UGCG: variants seen among roughly 807,000 people sequenced by gnomAD.
UGCG encodes ceramide glucosyltransferase.
Under a neutral mutation model 49.5 loss-of-function variants are expected in UGCG, and 10 were observed. The observed-to-expected ratio is 0.20, with a 90% CI of 0.12 to 0.34. The LOEUF is 0.34. UGCG is among the 10% of genes least tolerant of loss of function. The probability of loss-of-function intolerance (pLI) is 1.00; values close to 1 mark genes in which losing one functional copy is unlikely to be tolerated. For missense variants in UGCG, 312 were observed against 483.7 expected, an observed-to-expected ratio of 0.65 and a Z score of 3.33; for synonymous variants, 182 against 158.2, an observed-to-expected ratio of 1.15 and a Z score of -1.13.
intron 1 of UGCG, among the ~76,000 whole-genome samples, chr9:111,907,120 G>A (rs1049128527): frequency 1.3e-5 from 2 of 152,162 alleles, no homozygotes; most frequent in Non-Finnish European, 2.9e-5. Context: ...CAATGCTGCT[G>A]GTCCATGGGC....
chr9:111,900,802 T>C (rs1284207300), intron 1 of UGCG, among the ~76,000 whole-genome samples: 1 of 151,948 alleles, frequency 6.6e-6, no homozygotes, highest in Non-Finnish European at 1.5e-5. Context: ...CCCCTGGAGA[T>C]TTTTTAAGTT....
At chr9:111,910,019 A>T (rs1326030490) in intron 1 of UGCG, among the ~76,000 whole-genome samples, 2 of 152,196 alleles carry the variant, frequency 1.3e-5, no homozygotes, top group African/African-American at 4.8e-5. Context: ...TTATCCATAA[A>T]CCTAGAGAGG....
At chr9:111,909,386 C>G (rs1002112603) in intron 1 of UGCG, among the ~76,000 whole-genome samples, 6 of 152,234 alleles carry the variant, frequency 3.9e-5, no homozygotes, top group Non-Finnish European at 7.3e-5. Flanking sequence ...CAAACTCTTT[C>G]ATGATTTCTG....
intron 5 of UGCG, among the ~76,000 whole-genome samples, chr9:111,928,809 A>C (rs190520434): frequency 1.8e-3 from 275 of 152,324 alleles, no homozygotes; most frequent in African/African-American, 6.4e-3. Flanking sequence ...ATGTCTACTA[A>C]GTAGGGTAAT....
chr9:111,925,557 T>A (rs546623240), intron 4 of UGCG, among the ~76,000 whole-genome samples: 1 of 152,236 alleles, frequency 6.6e-6, no homozygotes, highest in Non-Finnish European at 1.5e-5. Flanking sequence ...AGCAAAAATA[T>A]CTTCAGATGT....
chr9:111,930,524 G>A (rs1303417117), intron 6 of UGCG, among the ~76,000 whole-genome samples: 2 of 149,092 alleles, frequency 1.3e-5, no homozygotes, highest in Admixed American at 6.7e-5. Flanking sequence ...CTGGAGTGCA[G>A]TGGCGCAATC....
chr9:111,909,132 C>T (rs1293671246), intron 1 of UGCG, among the ~76,000 whole-genome samples: 1 of 152,168 alleles, frequency 6.6e-6, no homozygotes, highest in African/African-American at 2.4e-5. Context: ...GTTGGCCAGG[C>T]TGGTCTTGAA....
chr9:111,918,621 G>T (rs912828551), intron 2 of UGCG, among the ~76,000 whole-genome samples: 1 of 152,084 alleles, frequency 6.6e-6, no homozygotes, highest in East Asian at 1.9e-4. Context: ...TTATGTTTAA[G>T]CAGTGTAATC....
intron 7 of UGCG, 30 bp downstream of exon 7, chr9:111,931,387 G>T (rs2274942): frequency 1.3e-6 from 2 of 1,599,118 alleles, no homozygotes; most frequent in East Asian, 2.2e-5. Context: ...TTTATACTTC[G>T]TTAAAAGGAA....
intron 2 of UGCG, chr9:111,915,686 CAGAA>C (rs1304157568): frequency 2.8e-6 from 2 of 713,176 alleles, no homozygotes; most frequent in Non-Finnish European, 3.4e-6. Context: ...CTCAAATAAT[CAGAA>C]GGAAGATGAT....
chr9:111,903,004 C>T (rs906940929), intron 1 of UGCG, among the ~76,000 whole-genome samples: 3 of 152,098 alleles, frequency 2.0e-5, no homozygotes, highest in Non-Finnish European at 2.9e-5. Flanking sequence ...TCTTGAACTC[C>T]TGGCCTCAAG....
chr9:111,928,457 CT>C (rs1838364276), intron 5 of UGCG, among the ~76,000 whole-genome samples: 1 of 152,176 alleles, frequency 6.6e-6, no homozygotes, highest in African/African-American at 2.4e-5. Context: ...TAGGTTTAAT[CT>C]CTGGAAGTCA....
intron 4 of UGCG, among the ~76,000 whole-genome samples, chr9:111,925,289 G>T (rs774955398): frequency 6.6e-6 from 1 of 152,142 alleles, no homozygotes; most frequent in Non-Finnish European, 1.5e-5. Flanking sequence ...ACACTTATCG[G>T]ACTATACACA....
chr9:111,898,257 T>C (rs577029038), intron 1 of UGCG, among the ~76,000 whole-genome samples: 2 of 152,194 alleles, frequency 1.3e-5, no homozygotes, highest in African/African-American at 4.8e-5. Flanking sequence ...TAGAGCACAT[T>C]ACTGATATCG....
chr9:111,923,176 TAATC>T lies in UGCG; in HGVS notation c.343+227_343+230del, dbSNP rs533470663. ...ACACACAAAATAATATTTTTCCCAT[TAATC>T]AGACATGAGGGTCTGTTATTTTTTG... On this transcript the variant is annotated intron_variant, in intron 3 of 8. Coordinates refer to ENST00000374279, the MANE Select transcript of UGCG (RefSeq NM_003358.3). Among the ~76,000 whole-genome samples the T allele has an allele frequency of 5.5e-4, 84 of 152,324 alleles. 1 individual carries two copies. The East Asian group carries it at 0.015, about 28-fold the overall frequency.
chr9:111,900,120 AT>A (rs11365963), intron 1 of UGCG, among the ~76,000 whole-genome samples: 67,475 of 145,880 alleles, frequency 0.46, 15,546 homozygotes, highest in Admixed American at 0.58. Flanking sequence ...TTATGGGTTA[AT>A]TTTTTTTTTT....
intron 1 of UGCG, among the ~76,000 whole-genome samples, chr9:111,908,453 T>G (rs1255073494): frequency 1.3e-5 from 2 of 152,196 alleles, no homozygotes; most frequent in Non-Finnish European, 2.9e-5. Flanking sequence ...CGAGAGGACT[T>G]CTGGGGTTCT....
chr9:111,923,092 T>C lies in UGCG; in HGVS notation c.343+141T>C. 3 of 456,702 alleles carry C rather than the reference T, an allele frequency of 6.6e-6. No homozygotes were observed. The South Asian group carries it at 2.1e-4, about 32-fold the overall frequency. 28.3% of individuals were successfully genotyped at this position (456,702 alleles called of 1,614,324 possible). On this transcript the variant is annotated intron_variant, in intron 3 of 8. Coordinates refer to ENST00000374279, the MANE Select transcript of UGCG (RefSeq NM_003358.3). Reference sequence around the variant, plus strand: ...GAGTACTGAGAGGTGTTTACGTCCTTTTGAGAAAAGTTATAAAAACAAAGG... The same window carrying C: ...GAGTACTGAGAGGTGTTTACGTCCTCTTGAGAAAAGTTATAAAAACAAAGG...
intron 1 of UGCG, among the ~76,000 whole-genome samples, chr9:111,912,585 TAAAAA>T (rs753260287): frequency 7.2e-6 from 1 of 138,774 alleles, no homozygotes; most frequent in Non-Finnish European, 1.6e-5. Context: ...CTTAAAAAAA[TAAAAA>T]AAAAAAAATT....
Sources: gnomAD v4.1 joint callset for allele counts (sites outside exome capture counted in the v4.1 genomes callset) on GRCh38, gnomAD v4.1.1 for gene constraint, MANE v1.5 for transcripts, NCBI Gene and HGNC (gene_info 2026-07-23, HGNC 2026-07-21) for gene names.